Variants in ADAMTS12 observed in about 807,000 individuals in gnomAD.
ADAMTS12 encodes the protein A disintegrin and metalloproteinase with thrombospondin motifs 12.
A neutral mutation model predicts 167.8 loss-of-function variants in ADAMTS12; 118 were observed. The observed-to-expected ratio is 0.70, with a 90% CI of 0.61 to 0.82. The LOEUF (loss-of-function observed/expected upper bound fraction) is 0.82. ADAMTS12 is among the 40% of genes least tolerant of loss of function. The pLI is 0.00. For missense variants in ADAMTS12, 1,916 were observed against 1,998.8 expected (o/e 0.96, Z 0.79); for synonymous variants, 704 against 716.9 (o/e 0.98, Z 0.29).
At position 33,561,084 on chromosome 5, in the gene ADAMTS12, A is replaced by G. The variant is rs1265016973; in HGVS notation, c.4068T>C (p.Pro1356=). The stretch of plus-strand genomic sequence containing the variant: ...AGGGACGGAGGTGGCATCTTTTTGC[A>G]GGGTCAGGTCTCTGGATGGCCGCAC... ...SDCAAIQRPD[P]AKRCHLRPCA... The change falls in exon 20 of 24, where the codon CCT becomes CCC. Residue 1356 remains proline (P), a synonymous_variant. Transcript: ENST00000504830. 1 of 1,614,010 alleles carries G rather than the reference A, an allele frequency of 6.2e-7. No homozygotes were observed. Among genetic ancestry groups the G allele is most frequent in the Non-Finnish European group, 8.5e-7 (1 of 1,180,022 alleles).
intron 14 of ADAMTS12, among the ~76,000 whole-genome samples, chr5:33,620,782 T>C (rs7703871): frequency 0.24 from 37,198 of 152,088 alleles, 4,698 homozygotes; most frequent in East Asian, 0.38. Context: ...TTTTCTGATG[T>C]GTCTAGGCTA....
At chr5:33,873,470 T>A (rs926799424) in intron 2 of ADAMTS12, among the ~76,000 whole-genome samples, 4 of 152,204 alleles carry the variant, frequency 2.6e-5, no homozygotes, top group African/African-American at 9.6e-5. Context: ...AGATTCAATG[T>A]TATTCAAATG....
intron 20 of ADAMTS12, among the ~76,000 whole-genome samples, chr5:33,555,811 A>C (rs1450383391): frequency 6.6e-6 from 1 of 152,232 alleles, no homozygotes; most frequent in Non-Finnish European, 1.5e-5. Context: ...TTGTTTATCC[A>C]AAGCTTCCAT....
intron 13 of ADAMTS12, among the ~76,000 whole-genome samples, chr5:33,628,481 G>A (rs1314771058): frequency 6.6e-6 from 1 of 152,150 alleles, no homozygotes; most frequent in Non-Finnish European, 1.5e-5. Context: ...GTTCTGATCA[G>A]GGCTTGATAA....
chr5:33,831,554 G>A (rs1387555591), intron 2 of ADAMTS12, among the ~76,000 whole-genome samples: 1 of 152,206 alleles, frequency 6.6e-6, no homozygotes. Flanking sequence ...TAGCAGGTGC[G>A]TTGTAGGTTC....
intron 2 of ADAMTS12, among the ~76,000 whole-genome samples, chr5:33,812,387 G>T (rs567168008): frequency 2.0e-5 from 3 of 152,188 alleles, no homozygotes; most frequent in Admixed American, 6.5e-5. Flanking sequence ...AAGCTTAAAT[G>T]AATATATCGA....
rs930385332 is a variant in ADAMTS12 at position 33,561,184 on chromosome 5, A to C, written c.3973-5T>G. On this transcript the variant is annotated splice_polypyrimidine_tract_variant and splice_region_variant and intron_variant, in intron 19 of 23. Coordinates refer to ENST00000504830, the MANE Select transcript of ADAMTS12 (RefSeq NM_030955.4). ...CAGGCCACATGTGGTGGAGCACTGT[A>C]GCAGGGAAGGAGAGAGATGACAGAG... 1 of 1,613,352 alleles carries C rather than the reference A, an allele frequency of 6.2e-7. No homozygotes were observed. Among genetic ancestry groups the C allele is most frequent in the Non-Finnish European group, 8.5e-7 (1 of 1,179,794 alleles).
At chr5:33,596,791 A>G (rs560554323) in intron 16 of ADAMTS12, among the ~76,000 whole-genome samples, 1 of 152,360 alleles carries the variant, frequency 6.6e-6, no homozygotes, top group South Asian at 2.1e-4. Context: ...ATATCTTTAT[A>G]TTAGTTGATG....
intron 3 of ADAMTS12, among the ~76,000 whole-genome samples, chr5:33,721,281 GGT>G (rs1743796102): frequency 6.6e-6 from 1 of 152,138 alleles, no homozygotes; most frequent in Non-Finnish European, 1.5e-5. Flanking sequence ...TCTTGGCGTG[GGT>G]GTTAGTTACA....
rs753350625 is a variant in ADAMTS12, at chr5:33,630,895, T to C, written c.1907A>G (p.Tyr636Cys). 6.2e-7 allele frequency: 1 copy of C among 1,613,566 alleles called. No homozygotes were observed. Among genetic ancestry groups the C allele is most frequent in the South Asian group, 1.1e-5 (1 of 91,042 alleles). The change falls in exon 13 of 24, where the codon TAC becomes TGC. Residue 636 changes from tyrosine to cysteine, a missense_variant. Coordinates refer to ENST00000504830, the MANE Select transcript of ADAMTS12 (RefSeq NM_030955.4). ...AAACTGGCCATCTATGGGTCGGCAG[T>C]AGAGCTCACAAGGATGTGCTGAAGG... is the stretch of plus-strand genomic sequence containing the variant. ...IFNPAHPCEL[Y>C]CRPIDGQFSE...
At chr5:33,599,962 A>G (rs1348755688) in intron 16 of ADAMTS12, among the ~76,000 whole-genome samples, 1 of 152,228 alleles carries the variant, frequency 6.6e-6, no homozygotes, top group African/African-American at 2.4e-5. Flanking sequence ...AATTAAAGAA[A>G]GATAAATGAT....
chr5:33,649,321 C>T (rs936996510), intron 8 of ADAMTS12, among the ~76,000 whole-genome samples: 1 of 152,154 alleles, frequency 6.6e-6, no homozygotes, highest in Non-Finnish European at 1.5e-5. Flanking sequence ...GGGGCAGGAG[C>T]AATCTGGGAT....
At chr5:33,735,549 T>G (rs374868889) in intron 3 of ADAMTS12, among the ~76,000 whole-genome samples, 1 of 152,212 alleles carries the variant, frequency 6.6e-6, no homozygotes, top group Admixed American at 6.5e-5. Flanking sequence ...ACAAAACAGA[T>G]GGCACGCTGA....
Position 33,546,100 on chromosome 5 carries a change from C to T in ADAMTS12, c.4405G>A (p.Glu1469Lys), listed in dbSNP as rs770952996. Residue 1469 changes from glutamate (E) to lysine (K), a missense_variant, in exon 22 of 24, where the codon GAG becomes AAG. By Grantham distance (56) the Glu-to-Lys change is moderately conservative. Transcript: ENST00000504830. The stretch of plus-strand genomic sequence containing the variant: ...GTGGCCCAGTGACAGCACAGGTGCT[C>T]ATTGCAAGACATGGTGGATGTGGGT... The part of the protein sequence containing the change: ...KRPTSTMSCN[E>K]HLCCHWATGN... The T allele has an allele frequency of 6.2e-7, 1 of 1,613,726 alleles. No homozygotes were observed. Among genetic ancestry groups the T allele is most frequent in the Non-Finnish European group, 8.5e-7 (1 of 1,179,928 alleles).
At chr5:33,660,215 G>A (rs576119765) in intron 6 of ADAMTS12, among the ~76,000 whole-genome samples, 6 of 151,952 alleles carry the variant, frequency 3.9e-5, no homozygotes, top group Admixed American at 2.0e-4. Flanking sequence ...GTGACTATAA[G>A]AAAAAAAGGA....
chr5:33,831,951 C>T (rs1292675557), intron 2 of ADAMTS12, among the ~76,000 whole-genome samples: 1 of 152,312 alleles, frequency 6.6e-6, no homozygotes, highest in East Asian at 1.9e-4. Flanking sequence ...AATGACAAAA[C>T]AAACAGTTAC....
chr5:33,560,266 C>A (rs1189504902), intron 20 of ADAMTS12, among the ~76,000 whole-genome samples: 1 of 151,950 alleles, frequency 6.6e-6, no homozygotes, highest in South Asian at 2.1e-4. Context: ...TTGCTCATCC[C>A]TGATTTTATA....
chr5:33,541,113 G>A (rs935449989), intron 22 of ADAMTS12, among the ~76,000 whole-genome samples: 4 of 152,182 alleles, frequency 2.6e-5, no homozygotes, highest in African/African-American at 9.6e-5. Context: ...TGGCTAACTC[G>A]AATAAACAGT....
At chr5:33,741,405 T>C (rs1416232415) in intron 3 of ADAMTS12, among the ~76,000 whole-genome samples, 1 of 152,202 alleles carries the variant, frequency 6.6e-6, no homozygotes, top group Non-Finnish European at 1.5e-5. Flanking sequence ...TCCAGATTTC[T>C]TCTTCTTATG....
Sources: gnomAD v4.1 joint callset for allele counts (sites outside exome capture counted in the v4.1 genomes callset) on GRCh38, gnomAD v4.1.1 for gene constraint, MANE v1.5 for transcripts, NCBI Gene and HGNC (gene_info 2026-07-23, HGNC 2026-07-21) for gene names.